The following TENT4A variants were observed in gnomAD, a reference collection of about 807,000 sequenced individuals.
TENT4A encodes the protein DNA polymerase kappa.
A neutral mutation model predicts 72.8 loss-of-function variants in TENT4A; 7 were observed. The observed-to-expected ratio is 0.10, with a 90% CI of 0.05 to 0.18. TENT4A has a LOEUF of 0.18. Among genes scored for constraint, TENT4A ranks in the 10% least tolerant of loss-of-function variants. The probability of loss-of-function intolerance (pLI) is 1.00; values close to 1 mark genes in which losing one functional copy is unlikely to be tolerated. For synonymous variants in TENT4A, 456 were observed against 434.3 expected (o/e 1.05, Z -0.62); for missense variants, 831 against 1,017.7 (o/e 0.82, Z 2.50).
Position 6,756,769 on chromosome 5 carries a change from C to T in TENT4A, c.*1824C>T, listed in dbSNP as rs146440814. 6.6e-6 allele frequency: 1 copy of T among 152,576 alleles called. No individual in the cohort carries two copies. The highest frequency in any genetic ancestry group is 2.4e-5 in the African/African-American group (1 of 41,430). The allele number at this position is 152,576 out of a possible 1,614,324, so 9.5% of individuals were successfully genotyped here. On this transcript the variant is annotated 3_prime_UTR_variant, in exon 13 of 13. Coordinates refer to ENST00000230859, the MANE Select transcript of TENT4A (RefSeq NM_006999.6). ...ACGCATTAGCAATATTGACTGTAAA[C>T]CCACATTAAGGAAACCACTACGGGT...
intron 4 of TENT4A, 141 bp downstream of exon 4, chr5:6,739,993 A>G (rs1741714306): frequency 5.2e-6 from 4 of 768,368 alleles, no homozygotes; most frequent in African/African-American, 1.8e-5. Flanking sequence ...TGCTTCTGGT[A>G]TAGACATGTG....
intron 1 of TENT4A, among the ~76,000 whole-genome samples, chr5:6,716,257 G>A (rs1437639661): frequency 6.6e-6 from 1 of 152,142 alleles, no homozygotes; most frequent in Non-Finnish European, 1.5e-5. Context: ...TAGGATCTGG[G>A]GATCTGGGGC....
At chr5:6,734,624 A>G (rs1286869353) in intron 1 of TENT4A, among the ~76,000 whole-genome samples, 3 of 152,238 alleles carry the variant, frequency 2.0e-5, no homozygotes, top group Non-Finnish European at 2.9e-5. Flanking sequence ...GTCTCTTATT[A>G]TCTAATATTT....
intron 4 of TENT4A, 36 bp from the exon 5 acceptor site, chr5:6,742,454 C>T: frequency 7.5e-7 from 1 of 1,333,554 alleles, no homozygotes; most frequent in Non-Finnish European, 1.1e-6. Flanking sequence ...GAGAGTCCTG[C>T]ATGTTAAAGC....
Position 6,714,330 on chromosome 5 carries a change from C to T in TENT4A, c.347C>T (p.Ser116Leu), listed in dbSNP as rs1740248309. Residue 116 changes from serine to leucine, a missense_variant, in exon 1 of 13, where the codon TCG becomes TTG. Physicochemically the swap from Ser to Leu is moderately radical, Grantham distance 145. Coordinates refer to ENST00000230859, the MANE Select transcript of TENT4A (RefSeq NM_006999.6). The part of the protein sequence containing the change: ...PSLSSSSSSS[S>L]SNAESGTESP... ...CTGTCGTCCTCGTCGTCGTCCTCCTCGTCCAACGCGGAGTCGGGCACCGAG... is the reference window on the plus strand; with the variant it reads ...CTGTCGTCCTCGTCGTCGTCCTCCTTGTCCAACGCGGAGTCGGGCACCGAG... 6 of 1,124,670 alleles carry T rather than the reference C, an allele frequency of 5.3e-6. 1 individual carries two copies. Among genetic ancestry groups the T allele is most frequent in the African/African-American group, 3.3e-5 (2 of 60,184 alleles). The allele number at this position is 1,124,670 out of a possible 1,614,324, so 69.7% of individuals were successfully genotyped here. A position where few individuals can be genotyped will look rare whatever the true frequency, so the allele number is the denominator to read the frequency against.
At chr5:6,726,146 C>T (rs534485242) in intron 1 of TENT4A, among the ~76,000 whole-genome samples, 57 of 152,252 alleles carry the variant, frequency 3.7e-4, no homozygotes, top group African/African-American at 1.3e-3. Context: ...GAACCCTTAC[C>T]GAGGGCCAGG....
At chr5:6,734,062 G>A (rs1465498345) in intron 1 of TENT4A, among the ~76,000 whole-genome samples, 3 of 152,170 alleles carry the variant, frequency 2.0e-5, no homozygotes, top group Non-Finnish European at 2.9e-5. Context: ...AAATATCTTA[G>A]CAAAACTTGA....
chr5:6,745,727 A>G (rs1389586822), intron 6 of TENT4A, among the ~76,000 whole-genome samples: 2 of 152,152 alleles, frequency 1.3e-5, no homozygotes, highest in Non-Finnish European at 2.9e-5. Flanking sequence ...AAATATTGTG[A>G]TATAATGCTA....
chr5:6,754,729 T>C, intron 12 of TENT4A, 22 bp from the exon 13 acceptor site: 1 of 1,551,798 alleles, frequency 6.4e-7, no homozygotes, highest in Non-Finnish European at 8.8e-7. Flanking sequence ...GCTCCAACAC[T>C]GCTGTCTCTC....
At chr5:6,750,197 G>A (rs1561045801) in intron 9 of TENT4A, 134 bp from the exon 10 acceptor site, 1 of 532,154 alleles carries the variant, frequency 1.9e-6, no homozygotes, top group Non-Finnish European at 3.1e-6. Context: ...ATTAAATTAG[G>A]CAAAACCTAA....
intron 3 of TENT4A, among the ~76,000 whole-genome samples, 158 bp downstream of exon 3, chr5:6,738,887 T>G (rs1741647219): frequency 6.6e-6 from 1 of 152,234 alleles, no homozygotes; most frequent in Non-Finnish European, 1.5e-5. Flanking sequence ...GCAGAAAGAT[T>G]TAATTTAGTG....
At chr5:6,732,687 T>G (rs1741270873) in intron 1 of TENT4A, among the ~76,000 whole-genome samples, 1 of 152,234 alleles carries the variant, frequency 6.6e-6, no homozygotes, top group African/African-American at 2.4e-5. Flanking sequence ...GAAATAATGC[T>G]TCAGAATTCT....
chr5:6,741,231 G>A lies in TENT4A; in HGVS notation c.1009-1259G>A, dbSNP rs545104160. On this transcript the variant is annotated intron_variant, in intron 4 of 12. Transcript: ENST00000230859. ...GTGTAGACTGTAGGGAGAGCCTGGA[G>A]CCTGCCACTGCTCATTTCTGGGGAG... Among the ~76,000 whole-genome samples, 23 of 152,240 alleles carry A rather than the reference G, an allele frequency of 1.5e-4. No individual in the cohort carries two copies. The South Asian group carries it at 1.7e-3, about 11-fold the overall frequency.
At chr5:6,739,529 T>C (rs1323722405) in intron 3 of TENT4A, among the ~76,000 whole-genome samples, 2 of 152,348 alleles carry the variant, frequency 1.3e-5, no homozygotes, top group African/African-American at 2.4e-5. Context: ...GCTACAAATA[T>C]GGAAGTCTTC....
chr5:6,736,263 G>A (rs1458138829), intron 1 of TENT4A, among the ~76,000 whole-genome samples: 1 of 152,154 alleles, frequency 6.6e-6, no homozygotes, highest in Middle Eastern at 3.2e-3. Flanking sequence ...GTGGGAAGTG[G>A]CAATACTTTA....
intron 10 of TENT4A, 82 bp from the exon 11 acceptor site, chr5:6,750,957 C>G: frequency 6.9e-7 from 1 of 1,439,738 alleles, no homozygotes; most frequent in Non-Finnish European, 9.6e-7. Context: ...TGGATGCAGG[C>G]GTTTCTTTTC....
In TENT4A at chr5:6,714,196, G is replaced by A. The variant is rs1342566845; in HGVS notation, c.213G>A (p.Ala71=). The change falls in exon 1 of 13, where the codon GCG becomes GCA. Residue 71 remains alanine (A), a synonymous_variant. Coordinates refer to ENST00000230859, the MANE Select transcript of TENT4A (RefSeq NM_006999.6). ...SGGLGPALPA[A]SPPPPGPTAP... ...GCCTGGGCCCCGCGCTGCCCGCCGCGTCGCCCCCGCCGCCCGGCCCCACCG... is the reference window on the plus strand; with the variant it reads ...GCCTGGGCCCCGCGCTGCCCGCCGCATCGCCCCCGCCGCCCGGCCCCACCG... 1 of 954,890 alleles carries A rather than the reference G, an allele frequency of 1.0e-6. No homozygotes were observed. Among genetic ancestry groups the A allele is most frequent in the Non-Finnish European group, 1.2e-6 (1 of 809,742 alleles). 59.2% of individuals were successfully genotyped at this position (954,890 alleles called of 1,614,324 possible).
intron 1 of TENT4A, among the ~76,000 whole-genome samples, chr5:6,717,324 T>TC (rs1471081984): frequency 6.6e-6 from 1 of 152,232 alleles, no homozygotes; most frequent in African/African-American, 2.4e-5. Flanking sequence ...TGTGATATAG[T>TC]CCCAGGACAT....
At chr5:6,749,357 A>G (rs1742271476) in intron 8 of TENT4A, among the ~76,000 whole-genome samples, 200 bp from the exon 9 acceptor site, 1 of 152,228 alleles carries the variant, frequency 6.6e-6, no homozygotes, top group South Asian at 2.1e-4. Context: ...TTCTGTAGGT[A>G]GATGTACTGC....
Sources: allele counts gnomAD v4.1 joint callset (sites outside exome capture counted in the v4.1 genomes callset), GRCh38; gene constraint gnomAD v4.1.1; transcripts MANE v1.5; gene names NCBI Gene and HGNC (gene_info 2026-07-23, HGNC 2026-07-21).